Variants in CDH13 observed in about 807,000 individuals in gnomAD.
CDH13 encodes the protein cadherin-13.
CDH13 carries 24 observed loss-of-function variants against 63.8 expected under a neutral mutation model. That is an observed-to-expected ratio of 0.38 (90% CI 0.27 to 0.53). The LOEUF (loss-of-function observed/expected upper bound fraction) is 0.53, where lower values mean the gene tolerates loss of function less well. Ranked by LOEUF, CDH13 falls within the 20% of genes least tolerant of loss-of-function variation. The probability of loss-of-function intolerance (pLI) is 0.85; values close to 1 mark genes in which losing one functional copy is unlikely to be tolerated. For synonymous variants in CDH13, 503 were observed against 355.3 expected (o/e 1.42, Z -4.67); for missense variants, 1,049 against 903.1 (o/e 1.16, Z -2.07).
chr16:83,459,564 T>A (rs148347793), intron 6 of CDH13, among the ~76,000 whole-genome samples: 1 of 152,246 alleles, frequency 6.6e-6, no homozygotes, highest in East Asian at 1.9e-4. Flanking sequence ...AATTAAACTT[T>A]GCAATTTGGT....
rs138269171 is a variant in CDH13 at position 83,049,368 on chromosome 16, G to A, written c.366+17150G>A. Among the ~76,000 whole-genome samples the A allele has an allele frequency of 2.0e-3, 244 of 122,716 alleles. 1 individual carries two copies. The highest frequency in any genetic ancestry group is 7.0e-3 in the African/African-American group (217 of 30,938). The allele number at this position is 122,716 out of a possible 152,430, so 80.5% of individuals were successfully genotyped here. On this transcript the variant is annotated intron_variant, in intron 3 of 13. Transcript: ENST00000567109. The stretch of plus-strand genomic sequence containing the variant: ...TTTTGAGACAGAGTCTCACTCTGTC[G>A]CCCAGGTTGGGGTTGGAGTGCAGTG...
At chr16:83,119,943 G>T (rs560823458) in intron 3 of CDH13, among the ~76,000 whole-genome samples, 1 of 152,222 alleles carries the variant, frequency 6.6e-6, no homozygotes, top group African/African-American at 2.4e-5. Context: ...AGAGCCACAG[G>T]CCCAGAAACG....
In CDH13 at chr16:83,024,089, C is replaced by G. The variant is rs555920075; in HGVS notation, c.158-7921C>G. 3.3e-5 allele frequency among the ~76,000 whole-genome samples: 5 copies of G among 151,822 alleles called. No homozygotes were observed. In the South Asian group the frequency reaches 1.0e-3, roughly 32 times the overall value. ...ATCATAGCCTTCCTGGATTATATAC[C>G]TGAGTAGAGTGGATGCAGGCATGAA... On this transcript the variant is annotated intron_variant, in intron 2 of 13. Transcript: ENST00000567109.
At chr16:82,960,937 A>T (rs557316244) in intron 2 of CDH13, among the ~76,000 whole-genome samples, 7 of 152,186 alleles carry the variant, frequency 4.6e-5, no homozygotes, top group Non-Finnish European at 1.0e-4. Context: ...GAGGGGTAAA[A>T]AGGGTAATAC....
intron 8 of CDH13, among the ~76,000 whole-genome samples, chr16:83,663,713 C>A (rs2033870668): frequency 6.6e-6 from 1 of 152,134 alleles, no homozygotes; most frequent in African/African-American, 2.4e-5. Context: ...GTGCCAAGTT[C>A]TTTCTGTTCA....
At chr16:83,296,108 A>G (rs2089590686) in intron 5 of CDH13, among the ~76,000 whole-genome samples, 1 of 152,218 alleles carries the variant, frequency 6.6e-6, no homozygotes, top group Non-Finnish European at 1.5e-5. Context: ...TTCTCTGACT[A>G]GCTTTCCACA....
At chr16:83,781,331 AAAAG>A (rs1175894923) in intron 12 of CDH13, among the ~76,000 whole-genome samples, 1 of 152,250 alleles carries the variant, frequency 6.6e-6, no homozygotes, top group African/African-American at 2.4e-5. Context: ...AGAAAAAAGA[AAAAG>A]AAAGACATTA....
At chr16:83,323,894 C>G (rs531048302) in intron 5 of CDH13, among the ~76,000 whole-genome samples, 1 of 152,178 alleles carries the variant, frequency 6.6e-6, no homozygotes, top group Non-Finnish European at 1.5e-5. Context: ...TCCTCCCTTA[C>G]CTCTTGACCC....
chr16:83,026,717 C>T (rs762988806), intron 2 of CDH13, among the ~76,000 whole-genome samples: 9 of 152,068 alleles, frequency 5.9e-5, no homozygotes, highest in Non-Finnish European at 1.3e-4. Flanking sequence ...CTTGTACAGT[C>T]CTTTGCATAG....
At chr16:82,915,777 C>G (rs138280167) in intron 2 of CDH13, among the ~76,000 whole-genome samples, 383 of 151,264 alleles carry the variant, frequency 2.5e-3, no homozygotes, top group Non-Finnish European at 4.1e-3. Context: ...TTGCTCATCT[C>G]ATATCAGAGA....
chr16:82,632,491 G>A (rs182994151), intron 1 of CDH13, among the ~76,000 whole-genome samples: 145 of 152,254 alleles, frequency 9.5e-4, no homozygotes, highest in African/African-American at 3.2e-3. Flanking sequence ...TCAGGTGTAA[G>A]AGTCATGCAG....
intron 4 of CDH13, among the ~76,000 whole-genome samples, chr16:83,209,581 G>C (rs1455780679): frequency 6.6e-6 from 1 of 152,126 alleles, no homozygotes; most frequent in African/African-American, 2.4e-5. Context: ...AGTTTATGAA[G>C]CATTTTATAA....
At chr16:83,233,271 G>A (rs913729653) in intron 5 of CDH13, among the ~76,000 whole-genome samples, 12 of 152,132 alleles carry the variant, frequency 7.9e-5, no homozygotes, top group Admixed American at 5.2e-4. Flanking sequence ...CAGGCTATGC[G>A]TGAAGCCGAC....
chr16:83,437,835 G>A (rs993835908), intron 6 of CDH13, among the ~76,000 whole-genome samples: 31 of 152,158 alleles, frequency 2.0e-4, no homozygotes, highest in Non-Finnish European at 4.1e-4. Flanking sequence ...AGAAATTAAT[G>A]TGGAATTCAA....
intron 3 of CDH13, among the ~76,000 whole-genome samples, chr16:83,035,579 C>G (rs1032431449): frequency 6.6e-6 from 1 of 152,138 alleles, no homozygotes; most frequent in Admixed American, 6.5e-5. Context: ...GAATAACAAG[C>G]TGGATGGAAG....
intron 1 of CDH13, among the ~76,000 whole-genome samples, chr16:82,694,420 C>G (rs2030007442): frequency 6.6e-6 from 1 of 152,178 alleles, no homozygotes; most frequent in Admixed American, 6.5e-5. Flanking sequence ...ATGTGATAGA[C>G]AATATTCATA....
chr16:82,996,844 T>C (rs943454723), intron 2 of CDH13, among the ~76,000 whole-genome samples: 2 of 151,972 alleles, frequency 1.3e-5, no homozygotes, highest in African/African-American at 2.4e-5. Flanking sequence ...ATGGTGGTGA[T>C]AGTAATGATT....
chr16:83,031,311 G>A (rs1916303185), intron 2 of CDH13, among the ~76,000 whole-genome samples: 1 of 54,912 alleles, frequency 1.8e-5, no homozygotes, highest in Non-Finnish European at 4.1e-5. Context: ...CCATGCGCAT[G>A]CATAGGCATG....
rs199759196 is a variant in CDH13 at position 83,780,039 on chromosome 16, A to G, written c.1753A>G (p.Ile585Val). 5.6e-4 allele frequency: 898 copies of G among 1,613,970 alleles called. 1 individual carries two copies. The highest frequency in any genetic ancestry group is 7.0e-4 in the Non-Finnish European group (828 of 1,179,886). The change falls in exon 12 of 14, where the codon ATT (isoleucine) becomes GTT (valine). Residue 585 changes from isoleucine (I) to valine (V), a missense_variant. Coordinates refer to ENST00000567109, the MANE Select transcript of CDH13 (RefSeq NM_001257.5). Reference protein sequence around the residue: ...LEDVNDNAPFIYPTVAEVCDD... With the variant: ...LEDVNDNAPFVYPTVAEVCDD... ...GGACGTGAATGACAATGCCCCGTTC[A>G]TTTACCCCACAGTAGCTGAAGTCTG...
Sources: allele counts gnomAD v4.1 joint callset (sites outside exome capture counted in the v4.1 genomes callset), GRCh38; gene constraint gnomAD v4.1.1; transcripts MANE v1.5; gene names NCBI Gene and HGNC (gene_info 2026-07-23, HGNC 2026-07-21).